The following MIPOL1 variants were observed in gnomAD, a reference collection of about 807,000 sequenced individuals.
MIPOL1 encodes the protein mirror-image polydactyly gene 1 protein.
MIPOL1 carries 57 observed loss-of-function variants against 60.9 expected under a neutral mutation model. That is an observed-to-expected ratio of 0.94 (90% CI 0.76 to 1.17). The LOEUF is 1.17. Ranked by LOEUF, MIPOL1 falls within the 50% of genes most tolerant of loss-of-function variation. MIPOL1 has a pLI of 0.00. For synonymous variants in MIPOL1, 179 were observed against 168.8 expected (o/e 1.06, Z -0.47); for missense variants, 551 against 511.6 (o/e 1.08, Z -0.74).
intron 9 of MIPOL1, among the ~76,000 whole-genome samples, chr14:37,323,895 A>G (rs1466746789): frequency 6.6e-6 from 1 of 152,030 alleles, no homozygotes; most frequent in Non-Finnish European, 1.5e-5. Context: ...TTTTCCTATC[A>G]GTAATCTTGT....
At chr14:37,379,768 A>AT (rs889396807) in intron 10 of MIPOL1, among the ~76,000 whole-genome samples, 1 of 151,854 alleles carries the variant, frequency 6.6e-6, no homozygotes, top group Non-Finnish European at 1.5e-5. Context: ...AAAAATGTAA[A>AT]TTTTTTTTGA....
intron 12 of MIPOL1, among the ~76,000 whole-genome samples, chr14:37,539,010 G>A (rs1956438): frequency 0.61 from 92,118 of 151,796 alleles, 28,147 homozygotes; most frequent in East Asian, 0.85. Flanking sequence ...AGACTGTCCT[G>A]GCTAACATGG....
chr14:37,458,847 C>CAATA (rs56046205), intron 11 of MIPOL1, among the ~76,000 whole-genome samples: 5,660 of 145,016 alleles, frequency 0.039, 132 homozygotes, highest in East Asian at 0.11. Flanking sequence ...GAGAGACTGT[C>CAATA]AATAAATAAA....
chr14:37,255,868 C>G (rs1170561375), intron 3 of MIPOL1, among the ~76,000 whole-genome samples: 2 of 147,550 alleles, frequency 1.4e-5, no homozygotes, highest in African/African-American at 5.4e-5. Context: ...TATCTTTTGA[C>G]AGATTCTAGT....
chr14:37,495,953 T>G (rs1294691069), intron 11 of MIPOL1, among the ~76,000 whole-genome samples: 2 of 147,190 alleles, frequency 1.4e-5, no homozygotes, highest in Non-Finnish European at 3.0e-5. Flanking sequence ...TTCATGTCCT[T>G]CGCCCACTTT....
At chr14:37,307,084 A>G (rs1383694942) in intron 7 of MIPOL1, among the ~76,000 whole-genome samples, 1 of 151,768 alleles carries the variant, frequency 6.6e-6, no homozygotes, top group East Asian at 1.9e-4. Flanking sequence ...GTTTGGAACC[A>G]TTTTGTGGCA....
rs139789982 is a variant in MIPOL1 at position 37,510,273 on chromosome 14, G to A, written c.1262+10135G>A. 4.8e-3 allele frequency among the ~76,000 whole-genome samples: 733 copies of A among 152,100 alleles called. 4 individuals carry two copies. The highest frequency in any genetic ancestry group is 0.017 in the African/African-American group (691 of 41,494). On this transcript the variant is annotated intron_variant, in intron 12 of 12. Coordinates refer to ENST00000684589, the MANE Select transcript of MIPOL1 (RefSeq NM_001388067.1). ...GTTTTGGGGGTTTTTATGAGACAGGGTCTTGCTCTGTTGCCCAGACTGGAG... is the reference window on the plus strand; with the variant it reads ...GTTTTGGGGGTTTTTATGAGACAGGATCTTGCTCTGTTGCCCAGACTGGAG...
In MIPOL1 at chr14:37,213,213, A is replaced by G. The variant is rs530221215; in HGVS notation, c.-199+15109A>G. Among the ~76,000 whole-genome samples the G allele has an allele frequency of 5.3e-5, 8 of 152,308 alleles. 1 individual carries two copies. The South Asian group carries it at 1.7e-3, about 32-fold the overall frequency. ...CAGGAAGACATGACCTCATCAAATA[A>G]ACTAAGTAAGGAAGCAGAGACCAAT... On this transcript the variant is annotated intron_variant, in intron 1 of 12. Coordinates refer to ENST00000684589, the MANE Select transcript of MIPOL1 (RefSeq NM_001388067.1).
At chr14:37,500,187 A>G (rs1050369216) in intron 12 of MIPOL1, 49 bp downstream of exon 12, 6 of 1,238,784 alleles carry the variant, frequency 4.8e-6, no homozygotes, top group Non-Finnish European at 6.9e-6. Flanking sequence ...GAAACAAAAC[A>G]AAACACTTTC....
intron 7 of MIPOL1, among the ~76,000 whole-genome samples, chr14:37,285,701 C>T (rs534882799): frequency 6.6e-6 from 1 of 151,926 alleles, no homozygotes; most frequent in African/African-American, 2.4e-5. Context: ...AAGTGATTCC[C>T]CTGCCGCAGC....
intron 9 of MIPOL1, among the ~76,000 whole-genome samples, chr14:37,363,473 A>C (rs1019504906): frequency 3.9e-5 from 6 of 152,170 alleles, no homozygotes; most frequent in African/African-American, 1.4e-4. Context: ...GCAGAACAGC[A>C]AATATTGCTG....
chr14:37,482,125 AC>A (rs1456558229), intron 11 of MIPOL1, among the ~76,000 whole-genome samples: 1 of 152,204 alleles, frequency 6.6e-6, no homozygotes, highest in Admixed American at 6.5e-5. Flanking sequence ...AAAACAATTA[AC>A]AGTATGATGA....
chr14:37,499,876 T>G, intron 11 of MIPOL1, 32 bp from the exon 12 acceptor site: 1 of 1,245,522 alleles, frequency 8.0e-7, no homozygotes, highest in South Asian at 1.5e-5. Flanking sequence ...TTTACATTAC[T>G]TATCTTTAAA....
chr14:37,499,519 C>T (rs961300802), intron 11 of MIPOL1, among the ~76,000 whole-genome samples: 1 of 152,102 alleles, frequency 6.6e-6, no homozygotes, highest in Admixed American at 6.6e-5. Context: ...AATAGACCCT[C>T]GATCTCCTAA....
At chr14:37,432,881 A>T (rs1242022146) in intron 11 of MIPOL1, among the ~76,000 whole-genome samples, 1 of 152,198 alleles carries the variant, frequency 6.6e-6, no homozygotes, top group South Asian at 2.1e-4. Flanking sequence ...TTAGGATTAT[A>T]GTATGACATG....
At chr14:37,467,776 C>T (rs981352361) in intron 11 of MIPOL1, among the ~76,000 whole-genome samples, 16 of 151,916 alleles carry the variant, frequency 1.1e-4, no homozygotes, top group Admixed American at 3.3e-4. Context: ...GATTTTTGGC[C>T]GGGTGCGGTG....
At chr14:37,245,703 C>A (rs756890533) in intron 1 of MIPOL1, among the ~76,000 whole-genome samples, 5 of 152,012 alleles carry the variant, frequency 3.3e-5, no homozygotes, top group Non-Finnish European at 7.4e-5. Context: ...AAGAAGTAAA[C>A]ATTTATTGTG....
At chr14:37,241,288 C>G (rs1164186579) in intron 1 of MIPOL1, among the ~76,000 whole-genome samples, 5 of 152,028 alleles carry the variant, frequency 3.3e-5, no homozygotes, top group Admixed American at 3.3e-4. Flanking sequence ...TTAAATGGCC[C>G]ACCTACATTA....
At chr14:37,316,272 C>G (rs948795976) in intron 9 of MIPOL1, among the ~76,000 whole-genome samples, 1 of 152,012 alleles carries the variant, frequency 6.6e-6, no homozygotes, top group Non-Finnish European at 1.5e-5. Flanking sequence ...CTCAGGTGAT[C>G]CACCCGCCTT....
Sources: gnomAD v4.1 joint callset for allele counts (sites outside exome capture counted in the v4.1 genomes callset) on GRCh38, gnomAD v4.1.1 for gene constraint, MANE v1.5 for transcripts, NCBI Gene and HGNC (gene_info 2026-07-23, HGNC 2026-07-21) for gene names.